Variants in ADCY8 observed in about 807,000 individuals in gnomAD.
The protein encoded by ADCY8 is adenylate cyclase type 8.
ADCY8 carries 51 observed loss-of-function variants against 119.7 expected under a neutral mutation model. The ratio of observed to expected loss-of-function variants is 0.43; its 90% CI spans 0.34 to 0.54. The LOEUF (loss-of-function observed/expected upper bound fraction) is 0.54, where lower values mean the gene tolerates loss of function less well. ADCY8 is among the 20% of genes least tolerant of loss of function. ADCY8 has a pLI of 0.03. For missense variants in ADCY8, 1,383 were observed against 1,598.8 expected, an observed-to-expected ratio of 0.87 and a Z score of 2.30; for synonymous variants, 665 against 651.0, an observed-to-expected ratio of 1.02 and a Z score of -0.33.
At chr8:130,824,083 T>G (rs1816600098) in intron 12 of ADCY8, among the ~76,000 whole-genome samples, 2 of 152,174 alleles carry the variant, frequency 1.3e-5, no homozygotes, top group Non-Finnish European at 2.9e-5. Context: ...CTCATTTGTG[T>G]CAGAGCCAGG....
At chr8:131,006,610 C>G (rs559519149) in intron 1 of ADCY8, among the ~76,000 whole-genome samples, 2 of 152,240 alleles carry the variant, frequency 1.3e-5, no homozygotes, top group Non-Finnish European at 2.9e-5. Flanking sequence ...AACATGAAAT[C>G]TTAGGAAGCT....
chr8:130,832,868 G>A (rs1816879963), intron 12 of ADCY8, among the ~76,000 whole-genome samples: 1 of 152,158 alleles, frequency 6.6e-6, no homozygotes, highest in Non-Finnish European at 1.5e-5. Flanking sequence ...GCAGCCCTAG[G>A]GCAATGCTAT....
At chr8:130,829,057 C>A (rs1458894428) in intron 12 of ADCY8, among the ~76,000 whole-genome samples, 1 of 152,194 alleles carries the variant, frequency 6.6e-6, no homozygotes, top group Non-Finnish European at 1.5e-5. Flanking sequence ...ACAGGCAGAG[C>A]ACTAGAGTTG....
At chr8:130,926,567 T>TACC (rs1820473242) in intron 5 of ADCY8, among the ~76,000 whole-genome samples, 1 of 152,222 alleles carries the variant, frequency 6.6e-6, no homozygotes, top group Non-Finnish European at 1.5e-5. Context: ...ACACATGTAT[T>TACC]ACCTCACAGT....
At chr8:130,893,291 G>A (rs1445284306) in intron 7 of ADCY8, among the ~76,000 whole-genome samples, 1 of 152,098 alleles carries the variant, frequency 6.6e-6, no homozygotes, top group Non-Finnish European at 1.5e-5. Flanking sequence ...TCGAGATTAG[G>A]GATGGTGTAA....
chr8:131,039,316 A>G lies in ADCY8; in HGVS notation c.960+58T>C, dbSNP rs569688819. On this transcript the variant is annotated intron_variant, in intron 1 of 17. Transcript: ENST00000286355. ...GCAACCCTGGCTCTCTGGAAGCTATATGATCAATAACCCGGGGAAGTTAGA... is the reference window on the plus strand; with the variant it reads ...GCAACCCTGGCTCTCTGGAAGCTATGTGATCAATAACCCGGGGAAGTTAGA... 1.9e-4 allele frequency: 299 copies of G among 1,584,168 alleles called. 1 individual carries two copies. The highest frequency in any genetic ancestry group is 1.5e-4 in the Non-Finnish European group (173 of 1,163,990).
chr8:130,919,036 C>T (rs1264678683), intron 5 of ADCY8, among the ~76,000 whole-genome samples: 9 of 152,206 alleles, frequency 5.9e-5, no homozygotes, highest in Non-Finnish European at 7.3e-5. Context: ...GCATTCCAGC[C>T]TGGGCGACAG....
At chr8:130,921,575 T>C (rs2130583428) in intron 5 of ADCY8, among the ~76,000 whole-genome samples, 1 of 150,404 alleles carries the variant, frequency 6.6e-6, no homozygotes, top group South Asian at 2.2e-4. Context: ...TGCCTCAGCC[T>C]CCCTAGTAGC....
intron 5 of ADCY8, among the ~76,000 whole-genome samples, chr8:130,915,248 G>A (rs1373735984): frequency 6.6e-6 from 1 of 152,178 alleles, no homozygotes; most frequent in Non-Finnish European, 1.5e-5. Flanking sequence ...AAGGAAGCAT[G>A]TTATAATTAT....
chr8:130,932,367 A>G (rs1416956319), intron 5 of ADCY8, among the ~76,000 whole-genome samples: 1 of 152,104 alleles, frequency 6.6e-6, no homozygotes, highest in Admixed American at 6.5e-5. Context: ...GCGTGTGTAG[A>G]GGCTTAGTCT....
chr8:130,800,360 T>A, intron 15 of ADCY8, 66 bp downstream of exon 15: 1 of 1,549,616 alleles, frequency 6.5e-7, no homozygotes, highest in South Asian at 1.2e-5. Flanking sequence ...ATTCCTACAA[T>A]GAATAACACA....
chr8:130,850,762 A>G (rs998589247), intron 9 of ADCY8, among the ~76,000 whole-genome samples: 2 of 152,170 alleles, frequency 1.3e-5, no homozygotes, highest in African/African-American at 4.8e-5. Context: ...CAGCAAATAA[A>G]GTTGAACTCA....
At chr8:130,958,743 G>A (rs915974043) in intron 2 of ADCY8, among the ~76,000 whole-genome samples, 2 of 152,082 alleles carry the variant, frequency 1.3e-5, no homozygotes, top group Admixed American at 1.3e-4. Context: ...TGACATGTGA[G>A]GATTATTACA....
chr8:130,793,164 T>C (rs1489412991), intron 15 of ADCY8, among the ~76,000 whole-genome samples: 2 of 152,134 alleles, frequency 1.3e-5, no homozygotes, highest in Non-Finnish European at 2.9e-5. Flanking sequence ...GAACGTGGGC[T>C]TTTCCTTGCC....
At chr8:131,007,503 C>T (rs982669779) in intron 1 of ADCY8, among the ~76,000 whole-genome samples, 1 of 152,158 alleles carries the variant, frequency 6.6e-6, no homozygotes, top group Non-Finnish European at 1.5e-5. Context: ...ACAATATTCT[C>T]TCCCCCACCA....
intron 15 of ADCY8, among the ~76,000 whole-genome samples, chr8:130,791,317 C>T (rs532676534): frequency 3.3e-5 from 5 of 152,148 alleles, no homozygotes; most frequent in Non-Finnish European, 7.4e-5. Context: ...GGGCCTCGGC[C>T]CTCACCAGGA....
chr8:130,791,257 G>T (rs1815418281), intron 15 of ADCY8, among the ~76,000 whole-genome samples: 1 of 152,226 alleles, frequency 6.6e-6, no homozygotes, highest in Non-Finnish European at 1.5e-5. Context: ...AGGGGAGAAT[G>T]CTGGAGCAGC....
At chr8:130,861,396 GT>G (rs1347920417) in intron 9 of ADCY8, among the ~76,000 whole-genome samples, 1 of 152,074 alleles carries the variant, frequency 6.6e-6, no homozygotes, top group Non-Finnish European at 1.5e-5. Context: ...AAGATTTCTT[GT>G]ACAAATTTTG....
chr8:130,896,004 GC>G (rs1819375204), intron 7 of ADCY8, among the ~76,000 whole-genome samples: 1 of 151,580 alleles, frequency 6.6e-6, no homozygotes, highest in Non-Finnish European at 1.5e-5. Flanking sequence ...TTGGTCTTGA[GC>G]AAAGAAACTC....
Sources: gnomAD v4.1 joint callset for allele counts (sites outside exome capture counted in the v4.1 genomes callset) on GRCh38, gnomAD v4.1.1 for gene constraint, MANE v1.5 for transcripts, NCBI Gene and HGNC (gene_info 2026-07-23, HGNC 2026-07-21) for gene names.